Variants in PFKFB2 observed in about 807,000 individuals in gnomAD.
PFKFB2 encodes 6-phosphofructo-2-kinase/fructose-2,6-bisphosphatase 2.
Under a neutral mutation model 68.0 loss-of-function variants are expected in PFKFB2, and 53 were observed. That is an observed-to-expected ratio of 0.78 (90% CI 0.63 to 0.98). PFKFB2 has a LOEUF of 0.98. Among genes scored for constraint, PFKFB2 ranks in the 50% least tolerant of loss-of-function variants. The pLI is 0.00. For missense variants in PFKFB2, 451 were observed against 642.0 expected (o/e 0.70, Z 3.22); for synonymous variants, 222 against 227.6 (o/e 0.98, Z 0.22).
At position 207,060,843 on chromosome 1, in the gene PFKFB2, C is replaced by T. The variant is rs546220881; in HGVS notation, c.86-1110C>T. ...TGAGACGAAGTCTTGCTCTGTCGCC[C>T]AGGCTGGAGTGCAGTGACGGGATCA... is the stretch of plus-strand genomic sequence containing the variant. On this transcript the variant is annotated intron_variant, in intron 2 of 14. Coordinates refer to ENST00000367080, the MANE Select transcript of PFKFB2 (RefSeq NM_006212.2). 3.3e-5 allele frequency: 5 copies of T among 151,116 alleles called. No homozygotes were observed. The South Asian group carries it at 8.4e-4, about 25-fold the overall frequency. The allele number at this position is 151,116 out of a possible 1,614,324, so 9.4% of individuals were successfully genotyped here.
chr1:207,075,200 A>C lies in PFKFB2; in HGVS notation c.*2829A>C, dbSNP rs1440860269. The C allele has an allele frequency of 3.0e-6, 3 of 985,344 alleles. No homozygotes were observed. The highest frequency in any genetic ancestry group is 3.6e-6 in the Non-Finnish European group (3 of 829,946). 61.0% of individuals were successfully genotyped at this position (985,344 alleles called of 1,614,324 possible). ...ATTAACCCAGCATTAGAGACAGGTC[A>C]CTGGGATGTTCATTCTGGCTCTCAG... is the stretch of plus-strand genomic sequence containing the variant. On this transcript the variant is annotated 3_prime_UTR_variant, in exon 15 of 15. Transcript: ENST00000367080.
chr1:207,070,629 C>A lies in PFKFB2; in HGVS notation c.1222+220C>A. 2.0e-6 allele frequency: 1 copy of A among 496,540 alleles called. No individual in the cohort carries two copies. The highest frequency in any genetic ancestry group is 3.6e-6 in the Non-Finnish European group (1 of 274,732). The allele number at this position is 496,540 out of a possible 1,614,324, so 30.8% of individuals were successfully genotyped here. A position where few individuals can be genotyped will look rare whatever the true frequency, so the allele number is the denominator to read the frequency against. ...CAATGGAGAGTGGCTGCTGCTGGTG[C>A]TCCTTGATCCTGCCTGGCTCAAGGG... On this transcript the variant is annotated intron_variant, in intron 12 of 14. Transcript: ENST00000367080. The surrounding 1 kb of genome is among the most constrained non-coding windows in gnomAD (Gnocchi z 4.2).
Position 207,063,673 on chromosome 1 carries a change from C to A in PFKFB2, c.451-100C>A. 1 of 1,005,232 alleles carries A rather than the reference C, an allele frequency of 9.9e-7. No individual in the cohort carries two copies. The highest frequency in any genetic ancestry group is 1.6e-6 in the Non-Finnish European group (1 of 628,424). 62.3% of individuals were successfully genotyped at this position (1,005,232 alleles called of 1,614,324 possible). Reference sequence around the variant, plus strand: ...GAGGGCCACTTTCATGAAGAAAATCCTGGGAGATGTGGTGGCTGGGTGGGG... The same window carrying A: ...GAGGGCCACTTTCATGAAGAAAATCATGGGAGATGTGGTGGCTGGGTGGGG... On this transcript the variant is annotated intron_variant, in intron 6 of 14. Transcript: ENST00000367080. This position sits in a 1 kb window ranked among gnomAD's most constrained non-coding sequence, Gnocchi z 4.1.
intron 2 of PFKFB2, chr1:207,047,116 G>A (rs1682618379): frequency 6.6e-6 from 1 of 152,552 alleles, no homozygotes; most frequent in South Asian, 2.1e-4. Context: ...TCAGATGAGA[G>A]TCAGGTGTGG....
rs1558059783 is a variant in PFKFB2 at position 207,061,179 on chromosome 1, A to ATCTT, written c.86-773_86-772insCTTT. ...TATATATATCTTTATATATATATAT[A>ATCTT]TATATATATATATATATATATATTT... On this transcript the variant is annotated intron_variant, in intron 2 of 14. Transcript: ENST00000367080. 2.5e-4 allele frequency among the ~76,000 whole-genome samples: 19 copies of ATCTT among 77,286 alleles called. 1 individual carries two copies. The highest frequency in any genetic ancestry group is 6.1e-4 in the African/African-American group (14 of 22,934). 50.7% of individuals were successfully genotyped at this position (77,286 alleles called of 152,430 possible). A position where few individuals can be genotyped will look rare whatever the true frequency, so the allele number is the denominator to read the frequency against.
intron 2 of PFKFB2, chr1:207,060,970 C>CTATATATCTATA (rs1683071380): frequency 1.6e-5 from 2 of 128,424 alleles, no homozygotes; most frequent in African/African-American, 7.0e-5. Context: ...ATATATATAT[C>CTATATATCTATA]TATATATCTA....
At chr1:207,072,132 G>A (rs978156760) in intron 14 of PFKFB2, 72 bp from the exon 15 acceptor site, 52 of 1,563,314 alleles carry the variant, frequency 3.3e-5, no homozygotes, top group Admixed American at 5.6e-5. Flanking sequence ...GGTTACAAGC[G>A]CATTATTAAC....
downstream of PFKFB2, chr1:207,078,831 A>T: frequency 1.3e-6 from 1 of 767,366 alleles, no homozygotes; most frequent in Non-Finnish European, 2.3e-6. Context: ...ATGCATGTGT[A>T]TGGATGTGGG....
At chr1:207,079,136 C>T (rs1683703804), downstream of PFKFB2, 2 of 847,586 alleles carry the variant, frequency 2.4e-6, no homozygotes, top group South Asian at 2.7e-5. Context: ...CTTTGGGGGC[C>T]ACCAAAACGA....
At position 207,061,055 on chromosome 1, in the gene PFKFB2, A is replaced by ATATATATCTT. The variant is rs1558059404; in HGVS notation, c.86-890_86-881dup. ...TAAATATCTTAAATATATATATTTTATATATATCTTTATATATATCTTTAT... is the reference window on the plus strand; with the variant it reads ...TAAATATCTTAAATATATATATTTTATATATATCTTTATATATCTTTATATATATCTTTAT... On this transcript the variant is annotated intron_variant, in intron 2 of 14. Coordinates refer to ENST00000367080, the MANE Select transcript of PFKFB2 (RefSeq NM_006212.2). 2.8e-4 allele frequency: 26 copies of ATATATATCTT among 93,258 alleles called. 1 individual carries two copies. Among genetic ancestry groups the ATATATATCTT allele is most frequent in the South Asian group, 5.4e-4 (2 of 3,726 alleles). The allele number at this position is 93,258 out of a possible 1,614,324, so 5.8% of individuals were successfully genotyped here.
chr1:207,039,080 G>A (rs1444565986), intron 1 of PFKFB2, among the ~76,000 whole-genome samples: 3 of 152,124 alleles, frequency 2.0e-5, no homozygotes, highest in Admixed American at 2.0e-4. Context: ...TTCATTGTAA[G>A]AGTAAGAAAA....
chr1:207,064,752 AC>A (rs1396372477), intron 7 of PFKFB2, among the ~76,000 whole-genome samples: 1 of 152,168 alleles, frequency 6.6e-6, no homozygotes, highest in Non-Finnish European at 1.5e-5. Flanking sequence ...TCAGGAAAGT[AC>A]ATAAAGGGAT....
At position 207,056,284 on chromosome 1, in the gene PFKFB2, C is replaced by T. The variant is rs936663339; in HGVS notation, c.85+1482C>T. ...ATACTCAAATGCTGTATTGGAAGCT[C>T]ACTATTTAAAAGAGGGCTGTGAATA... On this transcript the variant is annotated intron_variant, in intron 2 of 14. Coordinates refer to ENST00000367080, the MANE Select transcript of PFKFB2 (RefSeq NM_006212.2). Among the ~76,000 whole-genome samples, 10 of 151,726 alleles carry T rather than the reference C, an allele frequency of 6.6e-5. No individual in the cohort carries two copies. The East Asian group carries it at 1.7e-3, about 26-fold the overall frequency.
At position 207,054,731 on chromosome 1, in the gene PFKFB2, C is replaced by A. The variant is rs1682868783; in HGVS notation, c.14C>A (p.Ser5Tyr). 1 of 1,612,920 alleles carries A rather than the reference C, an allele frequency of 6.2e-7. No individual in the cohort carries two copies. Among genetic ancestry groups the A allele is most frequent in the East Asian group, 2.2e-5 (1 of 44,886 alleles). MSGASSSEQNNNSYE... is the reference protein window; with the variant it reads MSGAYSSEQNNNSYE... Reference sequence around the variant, plus strand: ...TGAAGAGCTGCCATGTCTGGGGCATCTTCCTCAGAACAGAACAACAACAGC... The same window carrying A: ...TGAAGAGCTGCCATGTCTGGGGCATATTCCTCAGAACAGAACAACAACAGC... Residue 5 changes from serine (S) to tyrosine (Y), a missense_variant, in exon 2 of 15, where the codon TCT (serine) becomes TAT (tyrosine). By Grantham distance (144) the Ser-to-Tyr change is moderately radical (BLOSUM62 -2). Coordinates refer to ENST00000367080, the MANE Select transcript of PFKFB2 (RefSeq NM_006212.2).
At chr1:207,049,932 G>A (rs77477276), upstream of PFKFB2, among the ~76,000 whole-genome samples, 2,416 of 152,250 alleles carry the variant, frequency 0.016, 65 homozygotes, top group African/African-American at 0.053. Flanking sequence ...AACACTTGAG[G>A]TTGCATCCCA....
At chr1:207,048,768 C>T, upstream of PFKFB2, 1 of 447,158 alleles carries the variant, frequency 2.2e-6, no homozygotes, top group Non-Finnish European at 4.0e-6. Context: ...CAGTAGGTGG[C>T]AAGGATCACC....
At chr1:207,064,008 G>A (rs1398019317) in intron 7 of PFKFB2, among the ~76,000 whole-genome samples, 179 bp downstream of exon 7, 1 of 152,038 alleles carries the variant, frequency 6.6e-6, no homozygotes, top group African/African-American at 2.4e-5. Flanking sequence ...GCCCCATCTG[G>A]TACTTCTACA....
rs967786232 is a variant in PFKFB2 at position 207,070,843 on chromosome 1, T to C, written c.1223-345T>C. The C allele has an allele frequency of 1.8e-5, 5 of 275,692 alleles. No homozygotes were observed. The East Asian group carries it at 3.8e-4, about 21-fold the overall frequency. The allele number at this position is 275,692 out of a possible 1,614,324, so 17.1% of individuals were successfully genotyped here. ...TTCGGGAGCTCCTGGGAAGCCTGCA[T>C]TGTGGATGCTGAGCTCAGCATCCTG... On this transcript the variant is annotated intron_variant, in intron 12 of 14. Coordinates refer to ENST00000367080, the MANE Select transcript of PFKFB2 (RefSeq NM_006212.2). This position sits in a 1 kb window ranked among gnomAD's most constrained non-coding sequence, Gnocchi z 4.2.
At chr1:207,042,497 G>A (rs1017746297) in intron 2 of PFKFB2, among the ~76,000 whole-genome samples, 4 of 125,686 alleles carry the variant, frequency 3.2e-5, no homozygotes, top group South Asian at 2.6e-4. Flanking sequence ...GCAGTGAGCC[G>A]AGATCACCCC....
Sources: gnomAD v4.1 joint callset for allele counts (sites outside exome capture counted in the v4.1 genomes callset) on GRCh38, gnomAD v4.1.1 for gene constraint, Gnocchi (gnomAD v3.1) non-coding constraint, MANE v1.5 for transcripts, NCBI Gene and HGNC (gene_info 2026-07-23, HGNC 2026-07-21) for gene names.